Variants in PRUNE1 observed in about 807,000 individuals in gnomAD.
PRUNE1 encodes prune exopolyphosphatase 1, also known as exopolyphosphatase PRUNE1.
In PRUNE1, 25 loss-of-function variants were observed where a neutral mutation model predicts 42.5. The ratio of observed to expected loss-of-function variants is 0.59; its 90% CI spans 0.43 to 0.82. PRUNE1 has a LOEUF of 0.82. Ranked by LOEUF, PRUNE1 falls within the 40% of genes least tolerant of loss-of-function variation. The probability of loss-of-function intolerance (pLI) is 0.00; values close to 1 mark genes in which losing one functional copy is unlikely to be tolerated. For synonymous variants in PRUNE1, 203 were observed against 217.1 expected, an observed-to-expected ratio of 0.93 and a Z score of 0.57; for missense variants, 443 against 539.3, an observed-to-expected ratio of 0.82 and a Z score of 1.77.
chr1:151,027,274 A>C lies in PRUNE1; in HGVS notation c.721A>C (p.Ile241Leu). 6.2e-7 allele frequency: 1 copy of C among 1,611,894 alleles called. No homozygotes were observed. Among genetic ancestry groups the C allele is most frequent in the Non-Finnish European group, 8.5e-7 (1 of 1,178,068 alleles). The change falls in exon 6 of 8, where the codon ATC becomes CTC. Residue 241 changes from isoleucine (I) to leucine (L), a missense_variant. By Grantham distance (5) the Ile-to-Leu change is conservative. Coordinates refer to ENST00000271620, the MANE Select transcript of PRUNE1 (RefSeq NM_021222.3). Reference protein sequence around the residue: ...EQMLRKDQKTIYRQGVKVAIS... With the variant: ...EQMLRKDQKTLYRQGVKVAIS... Reference sequence around the variant, plus strand: ...GATGCTGAGAAAAGACCAGAAGACTATCTATAGACAAGGCGTCAAGGTGGC... The same window carrying C: ...GATGCTGAGAAAAGACCAGAAGACTCTCTATAGACAAGGCGTCAAGGTGGC...
chr1:151,021,484 A>G (rs1674435460), intron 3 of PRUNE1, among the ~76,000 whole-genome samples: 1 of 152,154 alleles, frequency 6.6e-6, no homozygotes, highest in Non-Finnish European at 1.5e-5. Context: ...ATCTATAAAT[A>G]TCTCAATAAT....
rs752265682 is a variant in PRUNE1, at chr1:151,018,512, C to T, written c.178C>T (p.Arg60Cys). The T allele has an allele frequency of 5.0e-6, 8 of 1,613,750 alleles. No homozygotes were observed. Among genetic ancestry groups the T allele is most frequent in the Admixed American group, 1.7e-5 (1 of 60,000 alleles). ...CTTTGTGCCAGTTTTAAATATAAAACGTTCTGAACTACCTCTGCGAGGTGA... is the reference window on the plus strand; with the variant it reads ...CTTTGTGCCAGTTTTAAATATAAAATGTTCTGAACTACCTCTGCGAGGTGA... ...EVFVPVLNIK[R>C]SELPLRGDIV... The change falls in exon 3 of 8, where the codon CGT becomes TGT. Residue 60 changes from arginine to cysteine, a missense_variant. Coordinates refer to ENST00000271620, the MANE Select transcript of PRUNE1 (RefSeq NM_021222.3).
chr1:151,033,972 A>AG lies in PRUNE1; in HGVS notation c.1101dup (p.Ile368AspfsTer7). The AG allele has an allele frequency of 1.2e-6, 2 of 1,614,136 alleles. No individual in the cohort carries two copies. Among genetic ancestry groups the AG allele is most frequent in the Non-Finnish European group, 1.7e-6 (2 of 1,179,998 alleles). On this transcript the variant is annotated frameshift_variant, in exon 8 of 8. Coordinates refer to ENST00000271620, the MANE Select transcript of PRUNE1 (RefSeq NM_021222.3). LOFTEE classifies it high-confidence loss of function. The stretch of plus-strand genomic sequence containing the variant: ...CTGTCAGCATATTTTGACTCCATGA[A>AG]GATCCCTTCAGGACAGCCTGAGACA...
intron 3 of PRUNE1, among the ~76,000 whole-genome samples, chr1:151,021,515 C>T (rs904660638): frequency 1.3e-5 from 2 of 152,092 alleles, no homozygotes; most frequent in South Asian, 2.1e-4. Flanking sequence ...CAAATGTACA[C>T]ATTTATAATA....
At position 151,012,675 on chromosome 1, in the gene PRUNE1, A is replaced by G. The variant is rs911916597; in HGVS notation, c.39+4004A>G. On this transcript the variant is annotated intron_variant, in intron 1 of 7. Transcript: ENST00000271620. The stretch of plus-strand genomic sequence containing the variant: ...GAGAAGTAAAGAAAGAAGATGGGAG[A>G]TCACATCTTTACTATTTACAGCGTA... Among the ~76,000 whole-genome samples, 5 of 152,244 alleles carry G rather than the reference A, an allele frequency of 3.3e-5. No homozygotes were observed. The East Asian group carries it at 5.8e-4, about 18-fold the overall frequency.
chr1:151,032,123 T>A (rs1334222843), intron 7 of PRUNE1, among the ~76,000 whole-genome samples: 1 of 151,772 alleles, frequency 6.6e-6, no homozygotes, highest in Non-Finnish European at 1.5e-5. Context: ...CAGGTGCCTG[T>A]AATCCCAGCT....
chr1:151,025,631 G>A lies in PRUNE1; in HGVS notation c.637G>A (p.Asp213Asn), dbSNP rs753571671. 2 of 1,613,844 alleles carry A rather than the reference G, an allele frequency of 1.2e-6. No homozygotes were observed. The highest frequency in any genetic ancestry group is 1.1e-5 in the South Asian group (1 of 91,062). The change falls in exon 5 of 8, where the codon GAT becomes AAT. Residue 213 changes from aspartate (D) to asparagine (N), a missense_variant. Transcript: ENST00000271620. Reference sequence around the variant, plus strand: ...TTTCCCAGACCTACCCAAGAGAAATGATATATTTGATTCCCTACAAAAGGC... The same window carrying A: ...TTTCCCAGACCTACCCAAGAGAAATAATATATTTGATTCCCTACAAAAGGC... ...ALFPDLPKRN[D>N]IFDSLQKAKF... is the part of the protein sequence containing the mutation.
chr1:151,025,712 GA>G, intron 5 of PRUNE1, 39 bp downstream of exon 5: 1 of 1,567,790 alleles, frequency 6.4e-7, no homozygotes, highest in Non-Finnish European at 8.7e-7. Flanking sequence ...TCCCAGATAA[GA>G]AAACAGAAAG....
At chr1:151,031,321 G>A (rs12065659) in intron 7 of PRUNE1, among the ~76,000 whole-genome samples, 2,797 of 151,424 alleles carry the variant, frequency 0.018, 83 homozygotes, top group African/African-American at 0.064. Flanking sequence ...AAGTAGCTGC[G>A]GCTACAGGCA....
Position 151,024,791 on chromosome 1 carries a change from G to C in PRUNE1, c.516G>C (p.Leu172=), listed in dbSNP as rs1327582936. Residue 172 remains leucine (L), a synonymous_variant, in exon 4 of 8, where the codon CTG becomes CTC. Transcript: ENST00000271620. ...EILDRQTAAL[L]HGTIILDCVN... ...TGGACAGGCAAACTGCAGCCCTTCT[G>C]CATGGTAAGGGTGGCTTTTGGATTG... 14 of 1,609,978 alleles carry C rather than the reference G, an allele frequency of 8.7e-6. No homozygotes were observed. Among genetic ancestry groups the C allele is most frequent in the Non-Finnish European group, 1.2e-5 (14 of 1,177,848 alleles).
intron 1 of PRUNE1, among the ~76,000 whole-genome samples, chr1:151,011,786 T>A (rs1018189895): frequency 2.7e-5 from 4 of 150,518 alleles, no homozygotes; most frequent in Non-Finnish European, 5.9e-5. Context: ...TTAATTAATT[T>A]TTTTTTTTTT....
intron 1 of PRUNE1, among the ~76,000 whole-genome samples, chr1:151,015,789 T>TAACTCAAAAA (rs1279790472): frequency 2.6e-5 from 4 of 151,756 alleles, no homozygotes; most frequent in African/African-American, 7.3e-5. Context: ...GGTTACAGAG[T>TAACTCAAAAA]GAGACCCTGT....
At chr1:151,015,761 G>A (rs1042588451) in intron 1 of PRUNE1, among the ~76,000 whole-genome samples, 4 of 151,638 alleles carry the variant, frequency 2.6e-5, no homozygotes, top group East Asian at 2.0e-4. Flanking sequence ...CCGTGATTGC[G>A]CCATGCACTC....
chr1:151,015,469 A>G (rs1409800752), intron 1 of PRUNE1, among the ~76,000 whole-genome samples: 1 of 151,956 alleles, frequency 6.6e-6, no homozygotes, highest in Admixed American at 6.6e-5. Flanking sequence ...CCCCGTCTCT[A>G]CTAAAAATAC....
chr1:151,027,377 C>A, intron 6 of PRUNE1, 50 bp downstream of exon 6: 1 of 1,338,330 alleles, frequency 7.5e-7, no homozygotes, highest in Non-Finnish European at 1.1e-6. Flanking sequence ...TTTAGCTATG[C>A]ATGTTATGCA....
At chr1:151,020,302 T>C (rs1379768963) in intron 3 of PRUNE1, among the ~76,000 whole-genome samples, 1 of 151,236 alleles carries the variant, frequency 6.6e-6, no homozygotes, top group Admixed American at 6.6e-5. Context: ...AATAAAAAAA[T>C]TTGCCAGGTG....
Position 151,017,919 on chromosome 1 carries a change from G to T in PRUNE1, c.132+15G>T, listed in dbSNP as rs376514773. 29 of 1,517,218 alleles carry T rather than the reference G, an allele frequency of 1.9e-5. No individual in the cohort carries two copies. The African/African-American group carries it at 3.0e-4, about 16-fold the overall frequency. 94.0% of individuals were successfully genotyped at this position (1,517,218 alleles called of 1,614,324 possible). ...ACCTAGCAAAGGTGGGTAAAAAAACGTAGTACCTAGGATCTGAGTCCCTCA... is the reference window on the plus strand; with the variant it reads ...ACCTAGCAAAGGTGGGTAAAAAAACTTAGTACCTAGGATCTGAGTCCCTCA... On this transcript the variant is annotated intron_variant, in intron 2 of 7. Transcript: ENST00000271620.
In PRUNE1 at chr1:151,027,341, G is replaced by A; in HGVS notation, c.774+14G>A. On this transcript the variant is annotated intron_variant, in intron 6 of 7. Coordinates refer to ENST00000271620, the MANE Select transcript of PRUNE1 (RefSeq NM_021222.3). ...ATGGATTTGGAGGTAAGAGCAAGTT[G>A]TGGCTGTGGGTGGGGAGAGAAAGCC... The A allele has an allele frequency of 6.4e-7, 1 of 1,563,722 alleles. No individual in the cohort carries two copies. The highest frequency in any genetic ancestry group is 1.1e-5 in the South Asian group (1 of 89,860).
chr1:151,021,202 C>T (rs907735505), intron 3 of PRUNE1, among the ~76,000 whole-genome samples: 2 of 151,838 alleles, frequency 1.3e-5, no homozygotes, highest in African/African-American at 4.8e-5. Flanking sequence ...CGCCTGTAAT[C>T]CCAGCACTTT....
Sources: allele counts gnomAD v4.1 joint callset (sites outside exome capture counted in the v4.1 genomes callset), GRCh38; gene constraint gnomAD v4.1.1; transcripts MANE v1.5; gene names NCBI Gene and HGNC (gene_info 2026-07-23, HGNC 2026-07-21).